Variants in ELOB observed in about 807,000 individuals in gnomAD.
The protein encoded by ELOB is elongin B, also known as elongin-B.
A neutral mutation model predicts 12.9 loss-of-function variants in ELOB; 3 were observed. The observed-to-expected ratio is 0.23, with a 90% CI of 0.11 to 0.60. The LOEUF is 0.60. Among genes scored for constraint, ELOB ranks in the 20% least tolerant of loss-of-function variants. The pLI, the probability that ELOB is intolerant of heterozygous loss-of-function variation, is 0.89. For missense variants in ELOB, 126 were observed against 159.2 expected, an observed-to-expected ratio of 0.79 and a Z score of 1.12; for synonymous variants, 84 against 67.4, an observed-to-expected ratio of 1.25 and a Z score of -1.21.
Position 2,771,780 on chromosome 16 carries a change from C to CA in ELOB, c.*209dup. The CA allele has an allele frequency of 6.8e-7, 1 of 1,464,950 alleles. No homozygotes were observed. Among genetic ancestry groups the CA allele is most frequent in the Non-Finnish European group, 9.0e-7 (1 of 1,113,188 alleles). 90.7% of individuals were successfully genotyped at this position (1,464,950 alleles called of 1,614,324 possible). On this transcript the variant is annotated 3_prime_UTR_variant, in exon 4 of 4. Coordinates refer to ENST00000409906, the MANE Select transcript of ELOB (RefSeq NM_007108.4). ...TGGGTCTCAGGGCAACCCAGGTCCCCATGGTGCCTTTAAGCAGCAGGCTGG... is the reference window on the plus strand; with the variant it reads ...TGGGTCTCAGGGCAACCCAGGTCCCCAATGGTGCCTTTAAGCAGCAGGCTGG...
At position 2,771,736 on chromosome 16, in the gene ELOB, C is replaced by T; in HGVS notation, c.*254G>A. ...CCCCTGGCGTGGTTGGTGTGGCTGG[C>T]TAGCTGCTAACAATGGCTTGGGTCT... On this transcript the variant is annotated 3_prime_UTR_variant, in exon 4 of 4. Transcript: ENST00000409906. 2 of 1,529,944 alleles carry T rather than the reference C, an allele frequency of 1.3e-6. No homozygotes were observed. The highest frequency in any genetic ancestry group is 1.8e-6 in the Non-Finnish European group (2 of 1,142,612). 94.8% of individuals were successfully genotyped at this position (1,529,944 alleles called of 1,614,324 possible).
chr16:2,775,648 G>C (rs58283332), intron 2 of ELOB, 92 bp from the exon 3 acceptor site: 1 of 972,014 alleles, frequency 1.0e-6, no homozygotes, highest in Non-Finnish European at 1.5e-6. Context: ...TCAGAGGAGG[G>C]AAGAGAGAGT....
intron 3 of ELOB, 23 bp downstream of exon 3, chr16:2,775,426 GCC>G (rs750051701): frequency 1.3e-6 from 2 of 1,536,612 alleles, no homozygotes. Flanking sequence ...CTACCACCCA[GCC>G]CAGTGGGTGG....
At chr16:2,776,116 T>G (rs777012677) in intron 2 of ELOB, among the ~76,000 whole-genome samples, 2 of 152,210 alleles carry the variant, frequency 1.3e-5, no homozygotes, top group Non-Finnish European at 2.9e-5. Context: ...ACCAGAATTC[T>G]CAATTCGTAG....
chr16:2,771,764 G>A lies in ELOB; in HGVS notation c.*226C>T, dbSNP rs2068755493. ...GCTGCTAACAATGGCTTGGGTCTCA[G>A]GGCAACCCAGGTCCCCATGGTGCCT... On this transcript the variant is annotated 3_prime_UTR_variant, in exon 4 of 4. Coordinates refer to ENST00000409906, the MANE Select transcript of ELOB (RefSeq NM_007108.4). 6.8e-7 allele frequency: 1 copy of A among 1,480,082 alleles called. No homozygotes were observed. The highest frequency in any genetic ancestry group is 2.4e-5 in the Admixed American group (1 of 41,618). The allele number at this position is 1,480,082 out of a possible 1,614,324, so 91.7% of individuals were successfully genotyped here.
In ELOB at chr16:2,771,462, C is replaced by T. The variant is rs779482898; in HGVS notation, c.*528G>A. On this transcript the variant is annotated 3_prime_UTR_variant, in exon 4 of 4. Coordinates refer to ENST00000409906, the MANE Select transcript of ELOB (RefSeq NM_007108.4). ...AGGTGTGTTAAGGGGGCAGCCACTT[C>T]CCTCCGTGATTACAGCCCCCAGCGT... The T allele has an allele frequency of 2.5e-6, 4 of 1,614,108 alleles. No individual in the cohort carries two copies. The highest frequency in any genetic ancestry group is 2.2e-5 in the East Asian group (1 of 44,886).
chr16:2,771,756 GGGTCTCA>G lies in ELOB; in HGVS notation c.*227_*233del. 1 of 1,498,108 alleles carries G rather than the reference GGGTCTCA, an allele frequency of 6.7e-7. No homozygotes were observed. The highest frequency in any genetic ancestry group is 1.3e-5 in the South Asian group (1 of 74,756). The allele number at this position is 1,498,108 out of a possible 1,614,324, so 92.8% of individuals were successfully genotyped here. A position where few individuals can be genotyped will look rare whatever the true frequency, so the allele number is the denominator to read the frequency against. On this transcript the variant is annotated 3_prime_UTR_variant, in exon 4 of 4. Transcript: ENST00000409906. ...GCTGGCTAGCTGCTAACAATGGCTT[GGGTCTCA>G]GGGCAACCCAGGTCCCCATGGTGCC...
At chr16:2,774,009 C>G (rs537764082) in intron 3 of ELOB, among the ~76,000 whole-genome samples, 1 of 152,142 alleles carries the variant, frequency 6.6e-6, no homozygotes, top group African/African-American at 2.4e-5. Context: ...ATGTATGGAT[C>G]GCCTGAGGTC....
intron 2 of ELOB, among the ~76,000 whole-genome samples, chr16:2,775,924 C>A (rs1460527600): frequency 6.6e-6 from 1 of 152,156 alleles, no homozygotes; most frequent in Non-Finnish European, 1.5e-5. Context: ...GTTGCCCAGG[C>A]ATGCAGTGGC....
chr16:2,776,587 G>A lies in ELOB; in HGVS notation c.138+406C>T, dbSNP rs771432927. ...AGTTCCCCACCCTCCACCCGAAGGA[G>A]TGTCCGGGGGGACAGCGTGATTCCG... On this transcript the variant is annotated intron_variant, in intron 2 of 3. Transcript: ENST00000409906. 3.9e-5 allele frequency among the ~76,000 whole-genome samples: 6 copies of A among 152,366 alleles called. No individual in the cohort carries two copies. The South Asian group carries it at 1.2e-3, about 32-fold the overall frequency.
At chr16:2,772,145 T>C in intron 3 of ELOB, 43 bp from the exon 4 acceptor site, 3 of 1,530,794 alleles carry the variant, frequency 2.0e-6, no homozygotes, top group Non-Finnish European at 1.8e-6. Context: ...ATTCCAGCTC[T>C]TGCCCCAGCT....
At position 2,777,107 on chromosome 16, in the gene ELOB, C is replaced by A; in HGVS notation, c.24G>T (p.Arg8=). 1.3e-6 allele frequency: 2 copies of A among 1,589,942 alleles called. No individual in the cohort carries two copies. Among genetic ancestry groups the A allele is most frequent in the Admixed American group, 1.7e-5 (1 of 58,740 alleles). MDVFLMI[R]RHKTTIFTDA... is the part of the protein sequence containing the mutation. ...CCGTGAAGATGGTGGTCTTGTGGCG[C>A]CGGATCATGAGGAACACGTCCTGGG... The change falls in exon 2 of 4, where the codon CGG becomes CGT. Residue 8 remains arginine (R), a synonymous_variant. Coordinates refer to ENST00000409906, the MANE Select transcript of ELOB (RefSeq NM_007108.4).
intron 3 of ELOB, among the ~76,000 whole-genome samples, chr16:2,772,703 T>G (rs1567256030): frequency 6.7e-6 from 1 of 149,664 alleles, no homozygotes; most frequent in Non-Finnish European, 1.5e-5. Flanking sequence ...AGACTCCATC[T>G]CAAAAAAAAA....
rs1349692008 is a variant in ELOB, at chr16:2,777,254, C to T, written c.-15G>A. On this transcript the variant is annotated 5_prime_UTR_variant, in exon 1 of 4. Coordinates refer to ENST00000409906, the MANE Select transcript of ELOB (RefSeq NM_007108.4). ...CCGCTCACCATCGCGGCTGCTGCCT[C>T]TCCCCTCGACGCGCCGGCGCAGCCG... The T allele has an allele frequency of 2.9e-6, 3 of 1,024,886 alleles. No individual in the cohort carries two copies. Among genetic ancestry groups the T allele is most frequent in the Non-Finnish European group, 3.5e-6 (3 of 855,622 alleles). 63.5% of individuals were successfully genotyped at this position (1,024,886 alleles called of 1,614,324 possible).
At chr16:2,775,754 G>T in intron 2 of ELOB, 198 bp from the exon 3 acceptor site, 1 of 463,358 alleles carries the variant, frequency 2.2e-6, no homozygotes, top group Non-Finnish European at 3.8e-6. Flanking sequence ...TCCCAGGGTG[G>T]GACTTTAGAA....
chr16:2,773,884 G>A (rs1053670948), intron 3 of ELOB, among the ~76,000 whole-genome samples: 12 of 152,326 alleles, frequency 7.9e-5, no homozygotes, highest in East Asian at 3.9e-4. Flanking sequence ...GCCCAGCTTC[G>A]GTTCACGAAG....
In ELOB at chr16:2,777,052, G is replaced by A; in HGVS notation, c.79C>T (p.Leu27=). Residue 27 remains leucine, a synonymous_variant, in exon 2 of 4, where the codon CTG becomes TTG. Transcript: ENST00000409906. ...AGGATGCCCTCGACGATGCGCTTCAGTTCGAACACCGTGCTGGACTCCTTG... is the reference window on the plus strand; with the variant it reads ...AGGATGCCCTCGACGATGCGCTTCAATTCGAACACCGTGCTGGACTCCTTG... ...DAKESSTVFE[L]KRIVEGILKR... 1 of 1,607,586 alleles carries A rather than the reference G, an allele frequency of 6.2e-7. No individual in the cohort carries two copies. Among genetic ancestry groups the A allele is most frequent in the Non-Finnish European group, 8.5e-7 (1 of 1,178,084 alleles).
intron 3 of ELOB, among the ~76,000 whole-genome samples, chr16:2,774,493 T>C (rs979580287): frequency 1.3e-5 from 2 of 152,248 alleles, no homozygotes; most frequent in African/African-American, 2.4e-5. Context: ...GCAAGGTAGC[T>C]GGCCAGAGGA....
In ELOB at chr16:2,771,875, C is replaced by T. The variant is rs2068757974; in HGVS notation, c.*115G>A. ...CACAGGAACTGCCAAGCACAAGCCC[C>T]AAAAGGAGCCCACAGGGAGTGGGAC... On this transcript the variant is annotated 3_prime_UTR_variant, in exon 4 of 4. Coordinates refer to ENST00000409906, the MANE Select transcript of ELOB (RefSeq NM_007108.4). 2.0e-6 allele frequency: 3 copies of T among 1,472,846 alleles called. No homozygotes were observed. Among genetic ancestry groups the T allele is most frequent in the Non-Finnish European group, 2.7e-6 (3 of 1,110,922 alleles). 91.2% of individuals were successfully genotyped at this position (1,472,846 alleles called of 1,614,324 possible).
Sources: allele counts gnomAD v4.1 joint callset (sites outside exome capture counted in the v4.1 genomes callset), GRCh38; gene constraint gnomAD v4.1.1; transcripts MANE v1.5; gene names NCBI Gene and HGNC (gene_info 2026-07-23, HGNC 2026-07-21).